The following BAIAP2L1 variants were observed in gnomAD, a reference collection of about 807,000 sequenced individuals.
BAIAP2L1 encodes the protein BAR/IMD domain containing adaptor protein 2 like 1.
BAIAP2L1 carries 35 observed loss-of-function variants against 66.3 expected under a neutral mutation model. That is an observed-to-expected ratio of 0.53 (90% CI 0.40 to 0.70). The LOEUF (loss-of-function observed/expected upper bound fraction) is 0.70, where lower values mean the gene tolerates loss of function less well. Among genes scored for constraint, BAIAP2L1 ranks in the 30% least tolerant of loss-of-function variants. BAIAP2L1 has a pLI of 0.00. For missense variants in BAIAP2L1, 622 were observed against 656.9 expected, an observed-to-expected ratio of 0.95 and a Z score of 0.58; for synonymous variants, 269 against 248.7, an observed-to-expected ratio of 1.08 and a Z score of -0.77.
intron 3 of BAIAP2L1, among the ~76,000 whole-genome samples, chr7:98,323,699 C>G (rs1164155059): frequency 6.6e-6 from 1 of 152,202 alleles, no homozygotes. Flanking sequence ...GCAGCTCTTT[C>G]ACTCTGCGGG....
At chr7:98,372,761 C>G (rs1291483497) in intron 1 of BAIAP2L1, among the ~76,000 whole-genome samples, 1 of 111,082 alleles carries the variant, frequency 9.0e-6, no homozygotes, top group African/African-American at 3.5e-5. Flanking sequence ...TTTTTTGAGA[C>G]ACAGTCTCGC....
chr7:98,400,904 G>C lies in BAIAP2L1; in HGVS notation c.-52C>G. ...CGGGAGGACGCGGCTGGGCCTCGTG[G>C]CCGCCGGACTCCGGGCAGCGGGAGG... On this transcript the variant is annotated 5_prime_UTR_variant, in exon 1 of 14. Coordinates refer to ENST00000005260, the MANE Select transcript of BAIAP2L1 (RefSeq NM_018842.5). 5.4e-6 allele frequency: 8 copies of C among 1,487,592 alleles called. No individual in the cohort carries two copies. Among genetic ancestry groups the C allele is most frequent in the Non-Finnish European group, 6.3e-6 (7 of 1,119,176 alleles). The allele number at this position is 1,487,592 out of a possible 1,614,324, so 92.1% of individuals were successfully genotyped here.
At chr7:98,306,102 TGTAAGATAAGAACG>T (rs1800646347) in intron 11 of BAIAP2L1, among the ~76,000 whole-genome samples, 2 of 152,114 alleles carry the variant, frequency 1.3e-5, no homozygotes, top group African/African-American at 2.4e-5. Context: ...CGTTAAGGGC[TGTAAGATAAGAACG>T]GTAAGATAAG....
chr7:98,368,847 T>G (rs1206153022), intron 1 of BAIAP2L1, among the ~76,000 whole-genome samples: 2 of 151,946 alleles, frequency 1.3e-5, no homozygotes, highest in Non-Finnish European at 2.9e-5. Flanking sequence ...TATGGATATA[T>G]TGCAGTTTGT....
At chr7:98,343,667 G>A (rs1260970781) in intron 3 of BAIAP2L1, among the ~76,000 whole-genome samples, 5 of 152,242 alleles carry the variant, frequency 3.3e-5, no homozygotes, top group Non-Finnish European at 7.4e-5. Flanking sequence ...GTAAAGAAGT[G>A]CTTTTTCTTT....
At chr7:98,353,237 C>T (rs1455517086) in intron 3 of BAIAP2L1, among the ~76,000 whole-genome samples, 1 of 149,432 alleles carries the variant, frequency 6.7e-6, no homozygotes, top group African/African-American at 2.5e-5. Context: ...GCCAGTCATC[C>T]TAGCACTTTG....
chr7:98,308,895 T>C (rs1800768154), intron 9 of BAIAP2L1: 1 of 152,414 alleles, frequency 6.6e-6, no homozygotes, highest in Non-Finnish European at 1.5e-5. Context: ...CCCAGCCTGG[T>C]CTTGACCTCC....
chr7:98,327,448 C>A (rs534483096), intron 3 of BAIAP2L1, among the ~76,000 whole-genome samples: 3 of 151,954 alleles, frequency 2.0e-5, no homozygotes, highest in African/African-American at 7.3e-5. Flanking sequence ...CCAAGGCAGG[C>A]GGATCACCTG....
chr7:98,310,602 ATTCT>A lies in BAIAP2L1; in HGVS notation c.808-14_808-11del, dbSNP rs1800831276. ...CGTAATCTTTCCTAACCTGTGAAAA[ATTCT>A]TTATTAGTCCAATATTAGTATAGTG... On this transcript the variant is annotated splice_polypyrimidine_tract_variant and intron_variant, in intron 8 of 13. Coordinates refer to ENST00000005260, the MANE Select transcript of BAIAP2L1 (RefSeq NM_018842.5). 6.4e-7 allele frequency: 1 copy of A among 1,554,726 alleles called. No individual in the cohort carries two copies. The highest frequency in any genetic ancestry group is 8.6e-7 in the Non-Finnish European group (1 of 1,159,054).
In BAIAP2L1 at chr7:98,292,830, C is replaced by T. The variant is rs1800025979; in HGVS notation, c.*691G>A. The T allele has an allele frequency of 5.4e-6, 8 of 1,470,564 alleles. No individual in the cohort carries two copies. In the South Asian group the frequency reaches 5.6e-5, roughly 10 times the overall value. 91.1% of individuals were successfully genotyped at this position (1,470,564 alleles called of 1,614,324 possible). A position where few individuals can be genotyped will look rare whatever the true frequency, so the allele number is the denominator to read the frequency against. The stretch of plus-strand genomic sequence containing the variant: ...TGTGTCCTGGATGGGCCGTGTGCAG[C>T]GAATCCGTTGGCGACTCCTAACTAC... On this transcript the variant is annotated 3_prime_UTR_variant, in exon 14 of 14. Transcript: ENST00000005260.
chr7:98,327,639 C>CTCCA (rs541973557), intron 3 of BAIAP2L1, among the ~76,000 whole-genome samples: 6 of 152,192 alleles, frequency 3.9e-5, no homozygotes, highest in Admixed American at 3.9e-4. Context: ...CACCACTGTA[C>CTCCA]TCCAGCCTGG....
chr7:98,301,495 T>TATATA, intron 12 of BAIAP2L1, among the ~76,000 whole-genome samples: 1 of 106,330 alleles, frequency 9.4e-6, no homozygotes, highest in Non-Finnish European at 2.3e-5. Flanking sequence ...ATATATATAT[T>TATATA]TTAAGTGGAG....
chr7:98,385,269 A>G (rs1802859782), intron 1 of BAIAP2L1, among the ~76,000 whole-genome samples: 3 of 151,954 alleles, frequency 2.0e-5, no homozygotes. Flanking sequence ...GACTGTGCCA[A>G]CTGCACTCCA....
intron 1 of BAIAP2L1, among the ~76,000 whole-genome samples, chr7:98,369,021 TAAC>T (rs931134634): frequency 1.3e-5 from 2 of 151,886 alleles, no homozygotes; most frequent in African/African-American, 4.8e-5. Flanking sequence ...GGCACGTGTT[TAAC>T]TTTTTAAGAA....
At chr7:98,351,075 A>C (rs1351397284) in intron 3 of BAIAP2L1, among the ~76,000 whole-genome samples, 16 of 152,072 alleles carry the variant, frequency 1.1e-4, no homozygotes, top group Non-Finnish European at 2.2e-4. Flanking sequence ...TGGCCAGGCT[A>C]GGCTCGAACT....
chr7:98,349,045 C>G (rs1801939824), intron 3 of BAIAP2L1, among the ~76,000 whole-genome samples: 2 of 152,250 alleles, frequency 1.3e-5, no homozygotes, highest in African/African-American at 4.8e-5. Flanking sequence ...TCCCTACCAT[C>G]CCTGGAGGGG....
chr7:98,398,176 G>C (rs2158555), intron 1 of BAIAP2L1, among the ~76,000 whole-genome samples: 2,628 of 152,204 alleles, frequency 0.017, 37 homozygotes, highest in South Asian at 0.049. Context: ...ATTTCTATTA[G>C]TAAAATATGG....
rs552662034 is a variant in BAIAP2L1, at chr7:98,373,055, T to G, written c.52-10623A>C. 2.0e-5 allele frequency among the ~76,000 whole-genome samples: 3 copies of G among 152,342 alleles called. No individual in the cohort carries two copies. The East Asian group carries it at 5.8e-4, about 29-fold the overall frequency. Reference sequence around the variant, plus strand: ...ACGCCCGGTCAAGATCAATTTTATTTGTAGGAAATCTTGCTTCCTTCTTCC... The same window carrying G: ...ACGCCCGGTCAAGATCAATTTTATTGGTAGGAAATCTTGCTTCCTTCTTCC... On this transcript the variant is annotated intron_variant, in intron 1 of 13. Coordinates refer to ENST00000005260, the MANE Select transcript of BAIAP2L1 (RefSeq NM_018842.5).
chr7:98,302,791 A>AT (rs1800483134), intron 12 of BAIAP2L1, among the ~76,000 whole-genome samples: 1 of 151,846 alleles, frequency 6.6e-6, no homozygotes, highest in South Asian at 2.1e-4. Context: ...ACTGTAAACC[A>AT]TTTTTCTTTT....
Sources: gnomAD v4.1 joint callset for allele counts (sites outside exome capture counted in the v4.1 genomes callset) on GRCh38, gnomAD v4.1.1 for gene constraint, MANE v1.5 for transcripts, NCBI Gene and HGNC (gene_info 2026-07-23, HGNC 2026-07-21) for gene names.